Variants in CLPB observed in about 807,000 individuals in gnomAD.
CLPB encodes the protein ClpB family mitochondrial disaggregase, also known as mitochondrial disaggregase.
CLPB carries 40 observed loss-of-function variants against 78.4 expected under a neutral mutation model. That is an observed-to-expected ratio of 0.51 (90% CI 0.40 to 0.66). CLPB has a LOEUF of 0.66. Ranked by LOEUF, CLPB falls within the 30% of genes least tolerant of loss-of-function variation. The pLI, the probability that CLPB is intolerant of heterozygous loss-of-function variation, is 0.00. For synonymous variants in CLPB, 333 were observed against 348.0 expected (o/e 0.96, Z 0.48); for missense variants, 780 against 886.9 (o/e 0.88, Z 1.53).
intron 1 of CLPB, among the ~76,000 whole-genome samples, chr11:72,433,862 G>C (rs1380798117): frequency 6.6e-6 from 1 of 152,080 alleles, no homozygotes; most frequent in African/African-American, 2.4e-5. Flanking sequence ...CCCAGAGAGG[G>C]GAAGCGGATC....
chr11:72,351,760 C>T (rs775349646), intron 5 of CLPB, among the ~76,000 whole-genome samples: 3 of 151,976 alleles, frequency 2.0e-5, no homozygotes, highest in Non-Finnish European at 4.4e-5. Context: ...TTAGTAGAGA[C>T]AGGGTTTCAC....
chr11:72,417,814 T>C (rs139593177), intron 2 of CLPB, among the ~76,000 whole-genome samples: 1 of 152,216 alleles, frequency 6.6e-6, no homozygotes, highest in African/African-American at 2.4e-5. Flanking sequence ...CTAGGGGTTG[T>C]GACTGAGCCC....
rs746105000 is a variant in CLPB at position 72,354,593 on chromosome 11, C to G, written c.775+4287G>C. 5.6e-4 allele frequency: 199 copies of G among 357,480 alleles called. 3 individuals are homozygous for G. Among genetic ancestry groups the G allele is most frequent in the Non-Finnish European group, 1.5e-4 (30 of 201,340 alleles). 22.1% of individuals were successfully genotyped at this position (357,480 alleles called of 1,614,324 possible). On this transcript the variant is annotated intron_variant, in intron 5 of 15. Transcript: ENST00000538039. Reference sequence around the variant, plus strand: ...CTCTTTCTAGTCCTACTGCCTCTTCCCCACCTTCCTCCCTCCCTCCCACCA... The same window carrying G: ...CTCTTTCTAGTCCTACTGCCTCTTCGCCACCTTCCTCCCTCCCTCCCACCA...
chr11:72,405,503 G>T (rs1422907565), intron 2 of CLPB, among the ~76,000 whole-genome samples: 1 of 152,156 alleles, frequency 6.6e-6, no homozygotes, highest in Non-Finnish European at 1.5e-5. Flanking sequence ...ATGGACCCTA[G>T]GATAAAAGCT....
intron 5 of CLPB, among the ~76,000 whole-genome samples, chr11:72,333,949 G>A (rs1209457875): frequency 7.4e-6 from 1 of 135,616 alleles, no homozygotes; most frequent in Non-Finnish European, 1.8e-5. Flanking sequence ...CACTAGATAT[G>A]AGCTGCAGTG....
At chr11:72,360,690 G>A (rs1225376596) in intron 4 of CLPB, among the ~76,000 whole-genome samples, 1 of 152,154 alleles carries the variant, frequency 6.6e-6, no homozygotes. Context: ...ACCCGCCTCA[G>A]CCTCCCAAAG....
intron 5 of CLPB, among the ~76,000 whole-genome samples, chr11:72,347,873 A>G (rs758147796): frequency 2.4e-4 from 36 of 152,248 alleles, no homozygotes; most frequent in Non-Finnish European, 4.0e-4. Flanking sequence ...TAGAAGAGCC[A>G]GTGTCAGAAT....
In CLPB at chr11:72,434,263, C is replaced by T; in HGVS notation, c.212G>A (p.Gly71Glu). 6 of 1,613,290 alleles carry T rather than the reference C, an allele frequency of 3.7e-6. No homozygotes were observed. The highest frequency in any genetic ancestry group is 4.2e-6 in the Non-Finnish European group (5 of 1,179,892). Residue 71 changes from glycine (G) to glutamate (E), a missense_variant, in exon 1 of 16, where the codon GGG becomes GAG. Physicochemically the swap from Gly to Glu is moderately conservative, Grantham distance 98. This residue lies in a region of CLPB where 417 missense variants were observed against 414.7 expected (regional missense o/e 1.01). Coordinates refer to ENST00000538039, the MANE Select transcript of CLPB (RefSeq NM_001258392.3). Reference protein sequence around the residue: ...ALFSGRGAATGGRQGGRFDTK... With the variant: ...ALFSGRGAATEGRQGGRFDTK... The stretch of plus-strand genomic sequence containing the variant: ...ATCGAAGCGTCCTCCCTGGCGCCCC[C>T]CGGTGGCTGCCCCACGTCCGGAGAA...
rs762998543 is a variant in CLPB at position 72,317,138 on chromosome 11, C to A, written c.956G>T (p.Gly319Val). ...CACTGTGGCGATGGCGCTCTCCTGG[C>A]CAATGATGTGCTCCTTTAGTCGCTG... ...LEQRLKEHII[G>V]QESAIATVGA... Residue 319 changes from glycine to valine, a missense_variant, in exon 7 of 16, where the codon GGC becomes GTC. This residue lies in a region of CLPB where 417 missense variants were observed against 414.7 expected (regional missense o/e 1.01). Transcript: ENST00000538039. 6.2e-7 allele frequency: 1 copy of A among 1,612,204 alleles called. No homozygotes were observed. Among genetic ancestry groups the A allele is most frequent in the Admixed American group, 1.7e-5 (1 of 59,868 alleles).
At position 72,343,936 on chromosome 11, in the gene CLPB, T is replaced by C. The variant is rs186009872; in HGVS notation, c.776-14132A>G. On this transcript the variant is annotated intron_variant, in intron 5 of 15. Transcript: ENST00000538039. ...AAAATACCTGCTGACTGAATAATTA[T>C]GGCCCCATTATGACACAGCTGAGCT... Among the ~76,000 whole-genome samples, 13 of 152,352 alleles carry C rather than the reference T, an allele frequency of 8.5e-5. No homozygotes were observed. In the East Asian group the frequency reaches 2.3e-3, roughly 27 times the overall value.
At chr11:72,333,526 CTT>C (rs1285142813) in intron 5 of CLPB, among the ~76,000 whole-genome samples, 3 of 152,240 alleles carry the variant, frequency 2.0e-5, no homozygotes, top group African/African-American at 7.2e-5. Context: ...TCTTCCCACT[CTT>C]GTGACCATTT....
At chr11:72,315,004 G>T (rs1565432419) in intron 7 of CLPB, among the ~76,000 whole-genome samples, 1 of 152,170 alleles carries the variant, frequency 6.6e-6, no homozygotes, top group East Asian at 1.9e-4. Flanking sequence ...TGATTCTAGG[G>T]GAAGGAAGGG....
Position 72,402,050 on chromosome 11 carries a change from G to A in CLPB, c.542+916C>T, listed in dbSNP as rs970110630. Among the ~76,000 whole-genome samples the A allele has an allele frequency of 3.9e-5, 6 of 151,906 alleles. 1 individual carries two copies. Among genetic ancestry groups the A allele is most frequent in the Non-Finnish European group, 1.5e-5 (1 of 68,004 alleles). The stretch of plus-strand genomic sequence containing the variant: ...AGGGTGCAGGAGCACTTGGAGGCCA[G>A]GAGTTCAAGACCAACCTGGATAGCA... On this transcript the variant is annotated intron_variant, in intron 3 of 15. Transcript: ENST00000538039.
chr11:72,396,441 C>G (rs1855409597), intron 3 of CLPB, among the ~76,000 whole-genome samples: 1 of 152,178 alleles, frequency 6.6e-6, no homozygotes, highest in East Asian at 1.9e-4. Flanking sequence ...ACACCAGCCT[C>G]CCTTTTCAGG....
chr11:72,348,335 TCTCTATGG>T (rs566387144), intron 5 of CLPB, among the ~76,000 whole-genome samples: 166 of 152,244 alleles, frequency 1.1e-3, no homozygotes, highest in South Asian at 3.7e-3. Context: ...CTTCAGGAGC[TCTCTATGG>T]ACTACAAAAA....
intron 11 of CLPB, 133 bp from the exon 12 acceptor site, chr11:72,295,781 GCTTCCTCCT>G: frequency 1.2e-6 from 1 of 841,784 alleles, no homozygotes; most frequent in Non-Finnish European, 1.9e-6. Context: ...GCAGCCAGCT[GCTTCCTCCT>G]CTGGGTTCTC....
intron 4 of CLPB, among the ~76,000 whole-genome samples, chr11:72,359,454 A>C (rs189321170): frequency 6.6e-6 from 1 of 152,250 alleles, no homozygotes; most frequent in South Asian, 2.1e-4. Context: ...TATGCAGGTA[A>C]AGAAAGCAGG....
At chr11:72,423,789 C>G (rs1856279622) in intron 2 of CLPB, among the ~76,000 whole-genome samples, 1 of 152,168 alleles carries the variant, frequency 6.6e-6, no homozygotes, top group Non-Finnish European at 1.5e-5. Context: ...TGGTATGGTC[C>G]CTGCTTAACT....
At chr11:72,338,211 AGAT>A (rs1950356408) in intron 5 of CLPB, among the ~76,000 whole-genome samples, 1 of 152,180 alleles carries the variant, frequency 6.6e-6, no homozygotes, top group Non-Finnish European at 1.5e-5. Context: ...AGTGAGATGA[AGAT>A]GATGATTCTT....
Sources: gnomAD v4.1 joint callset for allele counts (sites outside exome capture counted in the v4.1 genomes callset) on GRCh38, gnomAD v4.1.1 for gene constraint, gnomAD v4.1.1 regional missense constraint, MANE v1.5 for transcripts, NCBI Gene and HGNC (gene_info 2026-07-23, HGNC 2026-07-21) for gene names.